ATP2B2: variants seen among roughly 807,000 people sequenced by gnomAD.
ATP2B2 encodes the protein ATPase plasma membrane Ca2+ transporting 2, also known as plasma membrane calcium-transporting ATPase 2.
Under a neutral mutation model 120.0 loss-of-function variants are expected in ATP2B2, and 15 were observed. The ratio of observed to expected loss-of-function variants is 0.12; its 90% CI spans 0.08 to 0.19. The LOEUF (loss-of-function observed/expected upper bound fraction) is 0.19, where lower values mean the gene tolerates loss of function less well. Ranked by LOEUF, ATP2B2 falls within the 10% of genes least tolerant of loss-of-function variation. The pLI, the probability that ATP2B2 is intolerant of heterozygous loss-of-function variation, is 1.00. For missense variants in ATP2B2, 1,045 were observed against 1,719.8 expected (o/e 0.61, Z 6.94); for synonymous variants, 694 against 700.3 (o/e 0.99, Z 0.14).
At chr3:10,589,143 C>T (rs961737769) in intron 2 of ATP2B2, among the ~76,000 whole-genome samples, 1 of 152,160 alleles carries the variant, frequency 6.6e-6, no homozygotes, top group African/African-American at 2.4e-5. Context: ...CCTTTGAGAT[C>T]TTGCTGGCAG....
intron 2 of ATP2B2, among the ~76,000 whole-genome samples, chr3:10,615,383 G>C (rs2069357496): frequency 6.6e-6 from 1 of 152,158 alleles, no homozygotes; most frequent in Non-Finnish European, 1.5e-5. Flanking sequence ...TGACAGTCAA[G>C]ACATGAGCAG....
chr3:10,383,578 C>A (rs1458487639), intron 8 of ATP2B2, among the ~76,000 whole-genome samples: 2 of 152,224 alleles, frequency 1.3e-5, no homozygotes, highest in African/African-American at 4.8e-5. Context: ...CCAGCCAGGT[C>A]TGGGTTCTGG....
chr3:10,385,204 A>G, intron 8 of ATP2B2, 64 bp downstream of exon 8: 3 of 1,524,746 alleles, frequency 2.0e-6, no homozygotes, highest in Non-Finnish European at 2.7e-6. Flanking sequence ...GAAAGCCCAA[A>G]GTTGGGGTGG....
chr3:10,519,457 G>A (rs2066939427), intron 3 of ATP2B2, among the ~76,000 whole-genome samples: 1 of 152,208 alleles, frequency 6.6e-6, no homozygotes, highest in Admixed American at 6.5e-5. Flanking sequence ...CTGTCAAGGT[G>A]CCCAGCTTTA....
intron 1 of ATP2B2, among the ~76,000 whole-genome samples, chr3:10,678,516 C>A (rs143196323): frequency 6.6e-6 from 1 of 152,136 alleles, no homozygotes; most frequent in Non-Finnish European, 1.5e-5. Context: ...CTTCTGGGGG[C>A]CCAGGTCTAA....
At chr3:10,542,418 A>G (rs1053899042) in intron 2 of ATP2B2, among the ~76,000 whole-genome samples, 5 of 152,152 alleles carry the variant, frequency 3.3e-5, no homozygotes, top group Non-Finnish European at 4.4e-5. Flanking sequence ...GCATTTACCC[A>G]TATTTTTGCT....
intron 1 of ATP2B2, among the ~76,000 whole-genome samples, chr3:10,636,234 C>G (rs2070018050): frequency 6.6e-6 from 1 of 152,202 alleles, no homozygotes; most frequent in African/African-American, 2.4e-5. Context: ...CCAAGCACTC[C>G]TGCCTCAGAG....
intron 1 of ATP2B2, among the ~76,000 whole-genome samples, chr3:10,685,073 G>A (rs1321376237): frequency 6.6e-6 from 1 of 152,130 alleles, no homozygotes; most frequent in African/African-American, 2.4e-5. Flanking sequence ...CCAGGCCACC[G>A]ATGATGTTCT....
At chr3:10,627,072 G>C (rs1262853437) in intron 1 of ATP2B2, among the ~76,000 whole-genome samples, 2 of 152,322 alleles carry the variant, frequency 1.3e-5, no homozygotes, top group East Asian at 3.9e-4. Flanking sequence ...TGTAAAACAA[G>C]AGTGGGTGAG....
At chr3:10,576,311 C>A (rs992499076) in intron 2 of ATP2B2, among the ~76,000 whole-genome samples, 2 of 152,230 alleles carry the variant, frequency 1.3e-5, no homozygotes, top group Non-Finnish European at 2.9e-5. Flanking sequence ...TCCGAGGCTT[C>A]CCTTCTCACT....
At position 10,382,678 on chromosome 3, in the gene ATP2B2, G is replaced by T. The variant is rs530109876; in HGVS notation, c.1000+2590C>A. On this transcript the variant is annotated intron_variant, in intron 8 of 22. Transcript: ENST00000360273. ...GGCCTCATGATGTATAATTAACTGTGATTATAACCATGATTACAGGTCATG... is the reference window on the plus strand; with the variant it reads ...GGCCTCATGATGTATAATTAACTGTTATTATAACCATGATTACAGGTCATG... Among the ~76,000 whole-genome samples, 3 of 152,080 alleles carry T rather than the reference G, an allele frequency of 2.0e-5. No homozygotes were observed. The South Asian group carries it at 6.2e-4, about 32-fold the overall frequency.
intron 3 of ATP2B2, among the ~76,000 whole-genome samples, chr3:10,511,692 T>C (rs2066764368): frequency 6.6e-6 from 1 of 152,160 alleles, no homozygotes; most frequent in African/African-American, 2.4e-5. Flanking sequence ...AGCCCAGGGC[T>C]GGACTCAAGG....
At chr3:10,439,142 G>A (rs2063571030) in intron 2 of ATP2B2, among the ~76,000 whole-genome samples, 1 of 152,230 alleles carries the variant, frequency 6.6e-6, no homozygotes, top group African/African-American at 2.4e-5. Context: ...ATTTTCAAGT[G>A]AAGAGAGGCC....
At chr3:10,629,983 C>A (rs1388948041) in intron 1 of ATP2B2, among the ~76,000 whole-genome samples, 1 of 152,148 alleles carries the variant, frequency 6.6e-6, no homozygotes, top group Non-Finnish European at 1.5e-5. Context: ...GAGAAGCCAT[C>A]AGGACAAACC....
chr3:10,675,495 A>C (rs2071218345), intron 1 of ATP2B2, among the ~76,000 whole-genome samples: 1 of 152,192 alleles, frequency 6.6e-6, no homozygotes, highest in South Asian at 2.1e-4. Context: ...ATATGTTTTC[A>C]GCCATAAAAA....
intron 1 of ATP2B2, among the ~76,000 whole-genome samples, chr3:10,692,670 C>T (rs1224023768): frequency 6.6e-6 from 1 of 152,176 alleles, no homozygotes; most frequent in Non-Finnish European, 1.5e-5. Flanking sequence ...TCCCGGCCTC[C>T]CCAGGGCAAC....
At chr3:10,423,719 C>G (rs1404627497) in intron 2 of ATP2B2, among the ~76,000 whole-genome samples, 1 of 152,210 alleles carries the variant, frequency 6.6e-6, no homozygotes, top group Non-Finnish European at 1.5e-5. Flanking sequence ...TACCTGTAGC[C>G]TCCCAGGACG....
At chr3:10,432,952 G>T (rs2063366886) in intron 2 of ATP2B2, among the ~76,000 whole-genome samples, 1 of 152,178 alleles carries the variant, frequency 6.6e-6, no homozygotes, top group Non-Finnish European at 1.5e-5. Context: ...GGGATGGGCT[G>T]GGGGAGCTCT....
chr3:10,639,379 T>C (rs998515606), intron 1 of ATP2B2, among the ~76,000 whole-genome samples: 3 of 152,214 alleles, frequency 2.0e-5, no homozygotes, highest in East Asian at 3.8e-4. Context: ...TTCTTAAGGC[T>C]GAGAAGTCCA....
Sources: gnomAD v4.1 joint callset for allele counts (sites outside exome capture counted in the v4.1 genomes callset) on GRCh38, gnomAD v4.1.1 for gene constraint, MANE v1.5 for transcripts, NCBI Gene and HGNC (gene_info 2026-07-23, HGNC 2026-07-21) for gene names.